Variants in SMAP1 observed in about 807,000 individuals in gnomAD.
SMAP1 encodes the protein small ArfGAP 1.
Under a neutral mutation model 58.5 loss-of-function variants are expected in SMAP1, and 24 were observed. The observed-to-expected ratio is 0.41, with a 90% CI of 0.30 to 0.58. SMAP1 has a LOEUF of 0.58. Among genes scored for constraint, SMAP1 ranks in the 20% least tolerant of loss-of-function variants. SMAP1 has a pLI of 0.29. For synonymous variants in SMAP1, 216 were observed against 196.6 expected (o/e 1.10, Z -0.82); for missense variants, 563 against 566.3 (o/e 0.99, Z 0.06).
intron 1 of SMAP1, among the ~76,000 whole-genome samples, chr6:70,704,520 C>T (rs1465851194): frequency 3.3e-5 from 5 of 152,102 alleles, no homozygotes; most frequent in African/African-American, 1.2e-4. Flanking sequence ...TTTCAAATAA[C>T]GTCTCCTTCC....
At chr6:70,858,300 T>A (rs979937545) in intron 10 of SMAP1, 71 bp downstream of exon 10, 1 of 1,301,048 alleles carries the variant, frequency 7.7e-7, no homozygotes, top group Non-Finnish European at 1.0e-6. Context: ...TTTTTTTTTT[T>A]TTTTTTTTTT....
intron 6 of SMAP1, among the ~76,000 whole-genome samples, chr6:70,811,515 T>TG (rs1769387405): frequency 6.6e-6 from 1 of 152,084 alleles, no homozygotes; most frequent in African/African-American, 2.4e-5. Context: ...AGGCTTCCTT[T>TG]GAATATAGTT....
intron 2 of SMAP1, among the ~76,000 whole-genome samples, chr6:70,749,258 G>A (rs1336429560): frequency 1.3e-5 from 2 of 152,146 alleles, no homozygotes; most frequent in Non-Finnish European, 1.5e-5. Flanking sequence ...CGTGAGAACA[G>A]CATGGGGGAA....
chr6:70,723,768 G>C (rs1032015195), intron 1 of SMAP1, among the ~76,000 whole-genome samples: 1 of 152,126 alleles, frequency 6.6e-6, no homozygotes, highest in African/African-American at 2.4e-5. Flanking sequence ...TGCATGTGCT[G>C]CTATTCTGAG....
At chr6:70,797,030 T>C (rs575739648) in intron 5 of SMAP1, among the ~76,000 whole-genome samples, 1 of 152,326 alleles carries the variant, frequency 6.6e-6, no homozygotes, top group South Asian at 2.1e-4. Flanking sequence ...ATTACTATTA[T>C]AACACTTACT....
At chr6:70,726,874 G>GGTGTGTGTGTGTGTGT (rs35977042) in intron 1 of SMAP1, among the ~76,000 whole-genome samples, 1 of 144,808 alleles carries the variant, frequency 6.9e-6, no homozygotes, top group Non-Finnish European at 1.5e-5. Context: ...AAATTTTAGG[G>GGTGTGTGTGTGTGTGT]GTGTGTGTGT....
At chr6:70,811,308 A>G (rs1409245102) in intron 6 of SMAP1, among the ~76,000 whole-genome samples, 1 of 152,066 alleles carries the variant, frequency 6.6e-6, no homozygotes, top group Non-Finnish European at 1.5e-5. Context: ...TTCTTGTAGG[A>G]TGTTCAGCAG....
intron 7 of SMAP1, among the ~76,000 whole-genome samples, chr6:70,843,129 G>C (rs981770567): frequency 6.6e-6 from 1 of 151,348 alleles, no homozygotes; most frequent in Non-Finnish European, 1.5e-5. Flanking sequence ...TTAGGGTAGA[G>C]AGTATTTTAC....
chr6:70,754,707 G>A (rs1033236983), intron 2 of SMAP1, among the ~76,000 whole-genome samples: 14 of 152,086 alleles, frequency 9.2e-5, no homozygotes, highest in African/African-American at 3.4e-4. Flanking sequence ...GAAGTAGTAA[G>A]TGTAAAGGTG....
chr6:70,682,845 C>T (rs1231838873), intron 1 of SMAP1, among the ~76,000 whole-genome samples: 3 of 152,110 alleles, frequency 2.0e-5, no homozygotes, highest in African/African-American at 7.2e-5. Context: ...CATAACCAGC[C>T]TGGCCAACGT....
intron 1 of SMAP1, among the ~76,000 whole-genome samples, chr6:70,721,455 T>C (rs1768524376): frequency 6.6e-6 from 1 of 152,210 alleles, no homozygotes; most frequent in Admixed American, 6.5e-5. Flanking sequence ...ATCAGCATTT[T>C]GGGCAAAGCC....
chr6:70,831,242 A>G (rs1183601350), intron 6 of SMAP1, among the ~76,000 whole-genome samples: 1 of 152,110 alleles, frequency 6.6e-6, no homozygotes, highest in Non-Finnish European at 1.5e-5. Flanking sequence ...AATGATTGGA[A>G]GTAGTCTTTT....
intron 1 of SMAP1, among the ~76,000 whole-genome samples, chr6:70,725,307 G>A (rs1768727222): frequency 6.6e-6 from 1 of 151,534 alleles, no homozygotes; most frequent in Admixed American, 6.6e-5. Flanking sequence ...TAGTAGAGAC[G>A]GGGTTTCACC....
intron 6 of SMAP1, among the ~76,000 whole-genome samples, chr6:70,826,223 T>C (rs1770109327): frequency 1.3e-5 from 2 of 152,172 alleles, no homozygotes; most frequent in African/African-American, 4.8e-5. Flanking sequence ...ATAAGAAACT[T>C]TTTAGAACCA....
chr6:70,787,794 G>T (rs1345827620), intron 4 of SMAP1, among the ~76,000 whole-genome samples: 2 of 151,650 alleles, frequency 1.3e-5, no homozygotes, highest in Non-Finnish European at 2.9e-5. Context: ...GAAAAGTCAG[G>T]AAACAACAGG....
chr6:70,766,827 T>C (rs1478966015), intron 3 of SMAP1, among the ~76,000 whole-genome samples: 1 of 152,238 alleles, frequency 6.6e-6, no homozygotes, highest in Admixed American at 6.5e-5. Context: ...TGCCCATGCC[T>C]ATGTCCTGAA....
chr6:70,754,806 T>G (rs1766416927), intron 2 of SMAP1, among the ~76,000 whole-genome samples, 174 bp from the exon 3 acceptor site: 1 of 152,104 alleles, frequency 6.6e-6, no homozygotes, highest in Admixed American at 6.6e-5. Flanking sequence ...TATGCTTCTG[T>G]TTTAACTTGA....
chr6:70,767,463 A>T (rs1767048214), intron 3 of SMAP1, among the ~76,000 whole-genome samples: 1 of 152,178 alleles, frequency 6.6e-6, no homozygotes, highest in African/African-American at 2.4e-5. Context: ...GAGGTCCTTC[A>T]CATCCCTTGT....
chr6:70,784,214 T>C (rs2149929779), intron 4 of SMAP1, among the ~76,000 whole-genome samples: 1 of 152,106 alleles, frequency 6.6e-6, no homozygotes, highest in South Asian at 2.1e-4. Context: ...GCTTCATAAG[T>C]GAAGGAGAAA....
Sources: allele counts gnomAD v4.1 joint callset (sites outside exome capture counted in the v4.1 genomes callset), GRCh38; gene constraint gnomAD v4.1.1; transcripts MANE v1.5; gene names NCBI Gene and HGNC (gene_info 2026-07-23, HGNC 2026-07-21).